DLGAP1: variants seen among roughly 807,000 people sequenced by gnomAD.
The protein encoded by DLGAP1 is DLG associated protein 1.
In DLGAP1, 11 loss-of-function variants were observed where a neutral mutation model predicts 90.8. The ratio of observed to expected loss-of-function variants is 0.12; its 90% CI spans 0.08 to 0.20. The LOEUF (loss-of-function observed/expected upper bound fraction) is 0.20, where lower values mean the gene tolerates loss of function less well. Ranked by LOEUF, DLGAP1 falls within the 10% of genes least tolerant of loss-of-function variation. The pLI, the probability that DLGAP1 is intolerant of heterozygous loss-of-function variation, is 1.00. For synonymous variants in DLGAP1, 558 were observed against 540.7 expected, an observed-to-expected ratio of 1.03 and a Z score of -0.44; for missense variants, 1,050 against 1,333.8, an observed-to-expected ratio of 0.79 and a Z score of 3.31.
intron 3 of DLGAP1, among the ~76,000 whole-genome samples, chr18:3,910,545 T>C (rs1309340153): frequency 6.6e-6 from 1 of 152,156 alleles, no homozygotes; most frequent in East Asian, 1.9e-4. Flanking sequence ...ACAGAAACAT[T>C]TGGGTAGGTG....
chr18:3,702,150 CA>C (rs1178484964), intron 7 of DLGAP1, among the ~76,000 whole-genome samples: 1 of 152,148 alleles, frequency 6.6e-6, no homozygotes, highest in Non-Finnish European at 1.5e-5. Context: ...CTCCCGGGTT[CA>C]AGCGATTCTC....
intron 8 of DLGAP1, chr18:3,580,665 G>A (rs1425883955): frequency 4.4e-6 from 7 of 1,608,948 alleles, no homozygotes; most frequent in Non-Finnish European, 5.9e-6. Context: ...AGATTGCTGG[G>A]CCCGGCCCCT....
At chr18:3,638,164 G>T (rs1413320882) in intron 7 of DLGAP1, among the ~76,000 whole-genome samples, 1 of 151,322 alleles carries the variant, frequency 6.6e-6, no homozygotes, top group East Asian at 1.9e-4. Flanking sequence ...AGCCAGGATG[G>T]TCTTGATCTC....
chr18:3,831,627 TACAA>T (rs908738890), intron 4 of DLGAP1, among the ~76,000 whole-genome samples: 5 of 152,220 alleles, frequency 3.3e-5, no homozygotes, highest in Admixed American at 1.3e-4. Flanking sequence ...CTTCTTCACA[TACAA>T]ACAAAGAAAT....
intron 1 of DLGAP1, among the ~76,000 whole-genome samples, chr18:4,160,240 T>C (rs1179226852): frequency 1.3e-5 from 2 of 152,232 alleles, no homozygotes; most frequent in African/African-American, 2.4e-5. Flanking sequence ...CAATCACTTA[T>C]GTGGGAACTC....
chr18:4,228,273 C>T (rs968344230), intron 1 of DLGAP1, among the ~76,000 whole-genome samples: 1 of 151,850 alleles, frequency 6.6e-6, no homozygotes, highest in East Asian at 1.9e-4. Context: ...TGTTACCAAA[C>T]ATTTAAACAT....
At chr18:4,156,614 T>C (rs1568425326) in intron 1 of DLGAP1, among the ~76,000 whole-genome samples, 1 of 152,182 alleles carries the variant, frequency 6.6e-6, no homozygotes, top group Non-Finnish European at 1.5e-5. Flanking sequence ...ACTCAGTAAG[T>C]CATAAAAGAG....
intron 7 of DLGAP1, chr18:3,607,639 TTC>T: frequency 6.6e-6 from 1 of 152,216 alleles, no homozygotes; most frequent in South Asian, 2.1e-4. Flanking sequence ...TTTTATTACC[TTC>T]TCCTGACAAT....
At chr18:4,370,412 A>G (rs2081890462) in intron 1 of DLGAP1, among the ~76,000 whole-genome samples, 1 of 152,240 alleles carries the variant, frequency 6.6e-6, no homozygotes, top group African/African-American at 2.4e-5. Flanking sequence ...TTTCATGACC[A>G]GCAGTACATG....
In DLGAP1 at chr18:4,352,544, CTTTA is replaced by C. The variant is rs567999116; in HGVS notation, c.-267+102458_-267+102461del. Among the ~76,000 whole-genome samples the C allele has an allele frequency of 1.1e-4, 17 of 152,228 alleles. No individual in the cohort carries two copies. The South Asian group carries it at 1.5e-3, about 13-fold the overall frequency. On this transcript the variant is annotated intron_variant, in intron 1 of 12. Coordinates refer to ENST00000315677, the MANE Select transcript of DLGAP1 (RefSeq NM_004746.4). The stretch of plus-strand genomic sequence containing the variant: ...TTCTGTAAACAAAGATAAATGTCCT[CTTTA>C]TTTGTTTGTCATATAAAGTAGCCCC...
intron 3 of DLGAP1, among the ~76,000 whole-genome samples, chr18:3,954,925 T>C (rs777782515): frequency 9.9e-5 from 15 of 152,094 alleles, no homozygotes; most frequent in Admixed American, 2.0e-4. Context: ...GCGCAGACTC[T>C]CTGAATTTAG....
In DLGAP1 at chr18:4,006,276, G is replaced by T. The variant is rs140636812; in HGVS notation, c.-158-1075C>A. ...TGTTTGTCTTCTAGGGCCAGAGCAG[G>T]GCTAAACTGTGTTTGAAAGAACAGA... On this transcript the variant is annotated intron_variant, in intron 2 of 12. Coordinates refer to ENST00000315677, the MANE Select transcript of DLGAP1 (RefSeq NM_004746.4). Among the ~76,000 whole-genome samples the T allele has an allele frequency of 2.3e-3, 354 of 152,262 alleles. 1 individual carries two copies. The highest frequency in any genetic ancestry group is 8.2e-3 in the African/African-American group (339 of 41,526).
At chr18:3,772,305 CTCTCCT>C (rs1465557594) in intron 5 of DLGAP1, among the ~76,000 whole-genome samples, 107 of 135,564 alleles carry the variant, frequency 7.9e-4, no homozygotes, top group African/African-American at 3.2e-3. Flanking sequence ...TTCTTTCTTT[CTCTCCT>C]TCCTTCCTTC....
At position 4,253,430 on chromosome 18, in the gene DLGAP1, A is replaced by G. The variant is rs535078786; in HGVS notation, c.-266-102143T>C. ...TTTTATTTATTTTATATATGTTTTG[A>G]GGCAGAGTCTCACTCTGTCACCCAG... On this transcript the variant is annotated intron_variant, in intron 1 of 12. Transcript: ENST00000315677. 2.6e-5 allele frequency among the ~76,000 whole-genome samples: 4 copies of G among 152,290 alleles called. No individual in the cohort carries two copies. The East Asian group carries it at 7.7e-4, about 29-fold the overall frequency.
chr18:4,178,788 T>G lies in DLGAP1; in HGVS notation c.-266-27501A>C, dbSNP rs555736282. On this transcript the variant is annotated intron_variant, in intron 1 of 12. Coordinates refer to ENST00000315677, the MANE Select transcript of DLGAP1 (RefSeq NM_004746.4). Reference sequence around the variant, plus strand: ...CTCATGTAACTTAAATAATAAATAGTAAGTATATATTAAGGTCAATGTACT... The same window carrying G: ...CTCATGTAACTTAAATAATAAATAGGAAGTATATATTAAGGTCAATGTACT... 2.0e-5 allele frequency among the ~76,000 whole-genome samples: 3 copies of G among 152,292 alleles called. No homozygotes were observed. In the South Asian group the frequency reaches 6.2e-4, roughly 32 times the overall value.
intron 2 of DLGAP1, among the ~76,000 whole-genome samples, chr18:4,025,845 C>G: frequency 6.6e-6 from 1 of 151,940 alleles, no homozygotes; most frequent in East Asian, 1.9e-4. Flanking sequence ...TTTTTAAAAG[C>G]CAAGTGAATA....
chr18:3,554,951 T>G (rs2053667207), intron 9 of DLGAP1, among the ~76,000 whole-genome samples: 1 of 152,188 alleles, frequency 6.6e-6, no homozygotes, highest in Non-Finnish European at 1.5e-5. Flanking sequence ...GGTTGCTGTC[T>G]TTTATCAGTC....
chr18:3,628,313 C>T (rs1004240541), intron 7 of DLGAP1, among the ~76,000 whole-genome samples: 4 of 151,766 alleles, frequency 2.6e-5, no homozygotes, highest in African/African-American at 4.8e-5. Context: ...TTTCAGCCTC[C>T]CAAGTAGGTG....
intron 1 of DLGAP1, among the ~76,000 whole-genome samples, chr18:4,212,922 T>C (rs1483630205): frequency 6.6e-6 from 1 of 152,178 alleles, no homozygotes; most frequent in Non-Finnish European, 1.5e-5. Context: ...AAATAAGAGA[T>C]TCTGTCATCT....
Sources: allele counts gnomAD v4.1 joint callset (sites outside exome capture counted in the v4.1 genomes callset), GRCh38; gene constraint gnomAD v4.1.1; transcripts MANE v1.5; gene names NCBI Gene and HGNC (gene_info 2026-07-23, HGNC 2026-07-21).